The following LMTK2 variants were observed in gnomAD, a reference collection of about 807,000 sequenced individuals.
LMTK2 encodes serine/threonine-protein kinase LMTK2.
LMTK2 carries 37 observed loss-of-function variants against 127.5 expected under a neutral mutation model. The observed-to-expected ratio is 0.29, with a 90% confidence interval of 0.22 to 0.38. The LOEUF is 0.38. LMTK2 is among the 10% of genes least tolerant of loss of function. The pLI is 1.00. For synonymous variants in LMTK2, 819 were observed against 810.1 expected (o/e 1.01, Z -0.19); for missense variants, 1,694 against 1,920.3 (o/e 0.88, Z 2.20).
rs1584284398 is a variant in LMTK2, at chr7:98,179,605, CCCTCCCTT to C, written c.792-5445_792-5438del. Among the ~76,000 whole-genome samples the C allele has an allele frequency of 1.2e-3, 169 of 142,244 alleles. 1 individual carries two copies. The highest frequency in any genetic ancestry group is 3.0e-3 in the African/African-American group (117 of 39,066). 93.3% of individuals were successfully genotyped at this position (142,244 alleles called of 152,430 possible). A position where few individuals can be genotyped will look rare whatever the true frequency, so the allele number is the denominator to read the frequency against. The stretch of plus-strand genomic sequence containing the variant: ...TCTCTCCCTCCTTCCCTCTCTCCCT[CCCTCCCTT>C]TCTCCCTCCCTCCCTTTCTCCCTCC... On this transcript the variant is annotated intron_variant, in intron 7 of 13. Coordinates refer to ENST00000297293, the MANE Select transcript of LMTK2 (RefSeq NM_014916.4).
chr7:98,136,771 A>G (rs900874253), intron 1 of LMTK2, among the ~76,000 whole-genome samples: 4 of 152,246 alleles, frequency 2.6e-5, no homozygotes, highest in African/African-American at 9.6e-5. Context: ...AATCCTGAGA[A>G]GACATTGGGT....
intron 7 of LMTK2, among the ~76,000 whole-genome samples, chr7:98,178,762 G>C (rs1223505135): frequency 6.6e-6 from 1 of 152,158 alleles, no homozygotes; most frequent in Non-Finnish European, 1.5e-5. Context: ...TCATTACTTT[G>C]AATCTGTACA....
intron 6 of LMTK2, among the ~76,000 whole-genome samples, chr7:98,163,791 A>AGAGGG (rs1011343650): frequency 3.9e-5 from 6 of 152,218 alleles, no homozygotes; most frequent in Admixed American, 3.9e-4. Context: ...CTTTCTGATC[A>AGAGGG]GAGGGGCATA....
At chr7:98,159,224 T>C in intron 5 of LMTK2, 114 bp from the exon 6 acceptor site, 1 of 558,480 alleles carries the variant, frequency 1.8e-6, no homozygotes, top group Non-Finnish European at 3.1e-6. Context: ...TTATATAAAT[T>C]ATTATGAAAA....
At chr7:98,161,090 T>A (rs1235839780) in intron 6 of LMTK2, among the ~76,000 whole-genome samples, 1 of 152,222 alleles carries the variant, frequency 6.6e-6, no homozygotes, top group Non-Finnish European at 1.5e-5. Flanking sequence ...GAGATATTTG[T>A]AATTTTATCT....
chr7:98,151,496 T>C, intron 4 of LMTK2, 41 bp downstream of exon 4: 1 of 1,453,456 alleles, frequency 6.9e-7, no homozygotes, highest in Non-Finnish European at 9.7e-7. Flanking sequence ...CTCTGAATGA[T>C]ACTGTGTTCA....
At chr7:98,195,957 A>G (rs1317112948) in intron 11 of LMTK2, among the ~76,000 whole-genome samples, 2 of 152,218 alleles carry the variant, frequency 1.3e-5, no homozygotes, top group Non-Finnish European at 2.9e-5. Flanking sequence ...TGGGAGGCCA[A>G]GGTGGGCGGA....
chr7:98,187,043 T>G, intron 9 of LMTK2, 45 bp downstream of exon 9: 1 of 1,570,038 alleles, frequency 6.4e-7, no homozygotes, highest in Non-Finnish European at 8.7e-7. Context: ...TTTGGCAAAG[T>G]CCTAACTTCT....
At chr7:98,117,030 A>G (rs1167192765) in intron 1 of LMTK2, among the ~76,000 whole-genome samples, 1 of 152,230 alleles carries the variant, frequency 6.6e-6, no homozygotes, top group African/African-American at 2.4e-5. Flanking sequence ...TGTGCACACA[A>G]CATCACACAG....
At chr7:98,121,631 C>CA (rs568171727) in intron 1 of LMTK2, among the ~76,000 whole-genome samples, 1,968 of 132,340 alleles carry the variant, frequency 0.015, 88 homozygotes, top group Admixed American at 0.092. Flanking sequence ...GACTCCATCT[C>CA]AAAAAAAAAA....
At position 98,154,893 on chromosome 7, in the gene LMTK2, A is replaced by G; in HGVS notation, c.569+17A>G. On this transcript the variant is annotated intron_variant, in intron 5 of 13. Transcript: ENST00000297293. ...ACCTTACTAGTAAGTAAACCTTGTC[A>G]TGTGTTCTGTAAGACTAGTCTGTGG... 7.8e-6 allele frequency: 11 copies of G among 1,415,264 alleles called. No individual in the cohort carries two copies. The highest frequency in any genetic ancestry group is 1.1e-5 in the Non-Finnish European group (11 of 998,706). 87.7% of individuals were successfully genotyped at this position (1,415,264 alleles called of 1,614,324 possible). A position where few individuals can be genotyped will look rare whatever the true frequency, so the allele number is the denominator to read the frequency against.
chr7:98,158,437 A>G (rs1296441021), intron 5 of LMTK2, among the ~76,000 whole-genome samples: 1 of 152,234 alleles, frequency 6.6e-6, no homozygotes, highest in South Asian at 2.1e-4. Flanking sequence ...CCCACACCCA[A>G]TTAGTTTTTC....
chr7:98,158,286 T>A (rs927118262), intron 5 of LMTK2, among the ~76,000 whole-genome samples: 1 of 152,210 alleles, frequency 6.6e-6, no homozygotes, highest in Non-Finnish European at 1.5e-5. Context: ...GTTGTTGTCG[T>A]TGTTTTGAAG....
intron 11 of LMTK2, among the ~76,000 whole-genome samples, chr7:98,202,997 C>T (rs908757785): frequency 1.9e-4 from 29 of 152,204 alleles, no homozygotes; most frequent in African/African-American, 7.0e-4. Context: ...GGGTCCCCTC[C>T]CGCTCGTGAT....
intron 7 of LMTK2, among the ~76,000 whole-genome samples, chr7:98,184,167 G>A (rs980441778): frequency 6.6e-6 from 1 of 152,086 alleles, no homozygotes; most frequent in South Asian, 2.1e-4. Flanking sequence ...ATGGTTCTGG[G>A]GTTTGCTGAA....
In LMTK2 at chr7:98,192,823, C is replaced by T. The variant is rs140516353; in HGVS notation, c.2358C>T (p.Asn786=). ...CAGGCTTGTCTTTGTTGCAGGAAAA[C>T]GTAAGCACAAAGGGTGACGATACAG... ...NKPGLSLLQE[N]VSTKGDDTDV... The change falls in exon 11 of 14, where the codon AAC becomes AAT. Residue 786 remains asparagine (N), a synonymous_variant. Transcript: ENST00000297293. The T allele has an allele frequency of 7.3e-4, 1,175 of 1,613,636 alleles. No individual in the cohort carries two copies. Among genetic ancestry groups the T allele is most frequent in the Non-Finnish European group, 8.1e-4 (954 of 1,179,780 alleles).
At chr7:98,162,687 C>G (rs1797032669) in intron 6 of LMTK2, among the ~76,000 whole-genome samples, 1 of 152,124 alleles carries the variant, frequency 6.6e-6, no homozygotes, top group Non-Finnish European at 1.5e-5. Flanking sequence ...GTACATTGAT[C>G]AATAAAATTT....
At chr7:98,119,861 T>A (rs897842917) in intron 1 of LMTK2, among the ~76,000 whole-genome samples, 1 of 152,278 alleles carries the variant, frequency 6.6e-6, no homozygotes, top group Non-Finnish European at 1.5e-5. Flanking sequence ...GGATAATATG[T>A]TGTTAGCATC....
intron 3 of LMTK2, among the ~76,000 whole-genome samples, chr7:98,146,786 C>T (rs1796780082): frequency 6.6e-6 from 1 of 152,026 alleles, no homozygotes; most frequent in Non-Finnish European, 1.5e-5. Flanking sequence ...CGTTAGACAC[C>T]AATAATACAG....
Sources: allele counts gnomAD v4.1 joint callset (sites outside exome capture counted in the v4.1 genomes callset), GRCh38; gene constraint gnomAD v4.1.1; transcripts MANE v1.5; gene names NCBI Gene and HGNC (gene_info 2026-07-23, HGNC 2026-07-21).